The following CAPN6 variants were observed in gnomAD, a reference collection of about 807,000 sequenced individuals.
CAPN6 encodes calpain 6, also known as calpain-6.
CAPN6 carries 16 observed loss-of-function variants against 46.0 expected under a neutral mutation model. That is an observed-to-expected ratio of 0.35 (90% CI 0.24 to 0.53). The LOEUF is 0.53. CAPN6 is among the 20% of genes least tolerant of loss of function. CAPN6 has a pLI of 0.94. For missense variants in CAPN6, 461 were observed against 498.0 expected (o/e 0.93, Z 0.71); for synonymous variants, 206 against 172.8 (o/e 1.19, Z -1.51).
At position 111,247,511 on chromosome X, in the gene CAPN6, C is replaced by A; in HGVS notation, c.1607-7G>T. ...ACCAAATATGGGTTTACAGCTGGAA[C>A]AAAGTGACATATGTTTTTAACACAG... On this transcript the variant is annotated splice_region_variant and splice_polypyrimidine_tract_variant and intron_variant, in intron 11 of 12. Transcript: ENST00000324068. The A allele has an allele frequency of 1.7e-6, 2 of 1,197,488 alleles. No homozygotes were observed. Among genetic ancestry groups the A allele is most frequent in the South Asian group, 3.7e-5 (2 of 53,894 alleles).
At chrX:111,265,247 T>C (rs1027542514) in intron 1 of CAPN6, among the ~76,000 whole-genome samples, 6 of 112,560 alleles carry the variant, frequency 5.3e-5, no homozygotes, top group Non-Finnish European at 1.1e-4. Flanking sequence ...GCCTCACTGG[T>C]AAAGAAGTTT....
intron 1 of CAPN6, among the ~76,000 whole-genome samples, chrX:111,269,057 C>T (rs979544856): frequency 3.6e-5 from 4 of 112,160 alleles, no homozygotes; most frequent in African/African-American, 1.3e-4. Flanking sequence ...GAGATGATTT[C>T]AAATCAAGGC....
Position 111,251,029 on chromosome X carries a change from C to T in CAPN6, c.1046G>A (p.Gly349Asp), listed in dbSNP as rs2094978864. ...CAACACCGATTCCAGCTCCTTTCGG[C>T]CAAAAATAGGGTTGTTCACATTGCG... ...VCRNVNNPIF[G>D]RKELESVLGC... The change falls in exon 8 of 13, where the codon GGC becomes GAC. Residue 349 changes from glycine (G) to aspartate (D), a missense_variant. Transcript: ENST00000324068. The T allele has an allele frequency of 8.3e-7, 1 of 1,209,368 alleles. No individual in the cohort carries two copies. The highest frequency in any genetic ancestry group is 1.1e-6 in the Non-Finnish European group (1 of 895,140).
At chrX:111,260,535 G>T (rs2094987114) in intron 2 of CAPN6, among the ~76,000 whole-genome samples, 1 of 112,521 alleles carries the variant, frequency 8.9e-6, no homozygotes, top group African/African-American at 3.2e-5. Flanking sequence ...TCTCAACCTT[G>T]CCAATGAGGT....
chrX:111,249,203 T>C (rs951641241), intron 8 of CAPN6, 146 bp from the exon 9 acceptor site: 4 of 592,334 alleles, frequency 6.8e-6, no homozygotes, highest in Non-Finnish European at 1.0e-5. Flanking sequence ...AACAAGGTCT[T>C]GGATAATTCA....
intron 1 of CAPN6, among the ~76,000 whole-genome samples, chrX:111,264,676 C>T (rs922886943): frequency 9.3e-6 from 1 of 107,965 alleles, no homozygotes; most frequent in African/African-American, 3.5e-5. Flanking sequence ...GATTGTTATC[C>T]CATGGCAATA....
intron 1 of CAPN6, among the ~76,000 whole-genome samples, chrX:111,266,605 G>A (rs184163027): frequency 2.3e-4 from 26 of 112,411 alleles, no homozygotes; most frequent in African/African-American, 7.8e-4. Context: ...ATTTTAGTTC[G>A]GGTTCTCATC....
intron 1 of CAPN6, among the ~76,000 whole-genome samples, chrX:111,265,719 T>C (rs932437656): frequency 8.9e-6 from 1 of 111,807 alleles, no homozygotes; most frequent in Non-Finnish European, 1.9e-5. Context: ...GCCTGGGGAC[T>C]GTAAATGTGG....
intron 6 of CAPN6, 23 bp from the exon 7 acceptor site, chrX:111,251,309 AAAAAAGAT>A (rs750413275): frequency 1.0e-5 from 12 of 1,168,709 alleles, no homozygotes; most frequent in Admixed American, 7.2e-5. Flanking sequence ...AGAAAAAAAA[AAAAAAGAT>A]AAATCATTAT....
At chrX:111,257,686 A>G (rs1346599305) in intron 2 of CAPN6, among the ~76,000 whole-genome samples, 1 of 111,881 alleles carries the variant, frequency 8.9e-6, no homozygotes, top group African/African-American at 3.3e-5. Context: ...GTAAGACGAG[A>G]AATTTTTCTG....
At position 111,252,672 on chromosome X, in the gene CAPN6, G is replaced by A. The variant is rs756472802; in HGVS notation, c.507-173C>T. On this transcript the variant is annotated intron_variant, in intron 4 of 12. Transcript: ENST00000324068. The stretch of plus-strand genomic sequence containing the variant: ...TCAGAAATTTCTAGGCTTAGGCTAT[G>A]TTGATCAAGGACAGTCTATGCAGAA... Among the ~76,000 whole-genome samples, 3 of 112,486 alleles carry A rather than the reference G, an allele frequency of 2.7e-5. No individual in the cohort carries two copies. The East Asian group carries it at 8.4e-4, about 31-fold the overall frequency.
In CAPN6 at chrX:111,251,458, G is replaced by A. The variant is rs934356400; in HGVS notation, c.893+91C>T. ...GACAAAAGCCCACAGATGTCACTGA[G>A]CATTGACAGCACACTAGCAGTCTGG... On this transcript the variant is annotated intron_variant, in intron 6 of 12. Coordinates refer to ENST00000324068, the MANE Select transcript of CAPN6 (RefSeq NM_014289.4). The A allele has an allele frequency of 1.1e-5, 10 of 891,584 alleles. No homozygotes were observed. In the African/African-American group the frequency reaches 2.0e-4, roughly 18 times the overall value. 73.5% of individuals were successfully genotyped at this position (891,584 alleles called of 1,213,427 possible). A position where few individuals can be genotyped will look rare whatever the true frequency, so the allele number is the denominator to read the frequency against.
rs779635417 is a variant in CAPN6 at position 111,253,184 on chromosome X, G to C, written c.330C>G (p.Asp110Glu). ...CAGCGTATTTTTCTGTTTTTTGAGG[G>C]TCCCATTCCTGTTCCTTATGGTTGG... is the stretch of plus-strand genomic sequence containing the variant. The part of the protein sequence containing the change: ...TIPNHKEQEW[D>E]PQKTEKYAGI... The change falls in exon 4 of 13, where the codon GAC (aspartate) becomes GAG (glutamate). Residue 110 changes from aspartate to glutamate, a missense_variant. Asp to Glu is a conservative substitution (Grantham distance 45). Coordinates refer to ENST00000324068, the MANE Select transcript of CAPN6 (RefSeq NM_014289.4). 8.3e-7 allele frequency: 1 copy of C among 1,209,688 alleles called. No individual in the cohort carries two copies. The highest frequency in any genetic ancestry group is 1.1e-6 in the Non-Finnish European group (1 of 893,584).
intron 8 of CAPN6, among the ~76,000 whole-genome samples, 172 bp downstream of exon 8, chrX:111,250,745 T>C (rs969879483): frequency 2.7e-5 from 3 of 111,927 alleles, no homozygotes; most frequent in Admixed American, 9.5e-5. Context: ...CATAGTCTGC[T>C]GTGTTTTACA....
intron 1 of CAPN6, among the ~76,000 whole-genome samples, chrX:111,268,016 A>G (rs1603409421): frequency 8.9e-6 from 1 of 111,870 alleles, no homozygotes; most frequent in African/African-American, 3.3e-5. Context: ...AGTGCTTTTC[A>G]TAGGTACACA....
chrX:111,247,833 C>CTGAA (rs2094975783), intron 11 of CAPN6, 38 bp downstream of exon 11: 2 of 1,192,451 alleles, frequency 1.7e-6, no homozygotes, highest in South Asian at 3.7e-5. Flanking sequence ...ATAAATGCAA[C>CTGAA]TGAATTTTGC....
rs751297728 is a variant in CAPN6 at position 111,258,014 on chromosome X, C to T, written c.166-3611G>A. Among the ~76,000 whole-genome samples, 206 of 111,904 alleles carry T rather than the reference C, an allele frequency of 1.8e-3. 1 individual carries two copies. The highest frequency in any genetic ancestry group is 6.1e-3 in the African/African-American group (189 of 30,839). ...CCTTCCATTAAGCAAAGCAGCTTCT[C>T]TAGGAAGTGTGTTCTCTTAGCTTAG... On this transcript the variant is annotated intron_variant, in intron 2 of 12. Transcript: ENST00000324068.
At chrX:111,263,735 A>T in intron 2 of CAPN6, 37 bp downstream of exon 2, 1 of 1,128,955 alleles carries the variant, frequency 8.9e-7, no homozygotes, top group Non-Finnish European at 1.2e-6. Context: ...ATGATGAAGG[A>T]GGTCAAGGAG....
intron 6 of CAPN6, 77 bp downstream of exon 6, chrX:111,251,472 C>G: frequency 1.0e-6 from 1 of 954,513 alleles, no homozygotes; most frequent in Non-Finnish European, 1.5e-6. Flanking sequence ...TGACAGCACA[C>G]TAGCAGTCTG....
Sources: allele counts gnomAD v4.1 joint callset (sites outside exome capture counted in the v4.1 genomes callset), GRCh38; gene constraint gnomAD v4.1.1; transcripts MANE v1.5; gene names NCBI Gene and HGNC (gene_info 2026-07-23, HGNC 2026-07-21).